LIMA1: variants seen among roughly 807,000 people sequenced by gnomAD.
LIMA1 encodes the protein LIM domain and actin-binding protein 1.
Under a neutral mutation model 62.6 loss-of-function variants are expected in LIMA1, and 52 were observed. The observed-to-expected ratio is 0.83, with a 90% CI of 0.67 to 1.05. The LOEUF is 1.05. Among genes scored for constraint, LIMA1 ranks in the 50% least tolerant of loss-of-function variants. The probability of loss-of-function intolerance (pLI) is 0.00; values close to 1 mark genes in which losing one functional copy is unlikely to be tolerated. For missense variants in LIMA1, 780 were observed against 902.2 expected (o/e 0.86, Z 1.74); for synonymous variants, 302 against 317.8 (o/e 0.95, Z 0.53).
chr12:50,190,348 A>G (rs1940729751), intron 9 of LIMA1: 1 of 150,856 alleles, frequency 6.6e-6, no homozygotes, highest in Non-Finnish European at 1.5e-5. Flanking sequence ...CCCTTAGTAT[A>G]AGTGTTGCTT....
chr12:50,217,217 T>C (rs1286542051), intron 4 of LIMA1, among the ~76,000 whole-genome samples: 1 of 151,814 alleles, frequency 6.6e-6, no homozygotes, highest in Non-Finnish European at 1.5e-5. Context: ...TCATATACAG[T>C]CAAGCAAGCA....
intron 8 of LIMA1, among the ~76,000 whole-genome samples, chr12:50,193,507 GTA>G (rs1253335896): frequency 8.4e-6 from 1 of 119,376 alleles, no homozygotes. Context: ...TCATATATGT[GTA>G]TATATGATAT....
chr12:50,268,028 G>A lies in LIMA1; in HGVS notation c.-24+15392C>T, dbSNP rs371207644. 3.3e-5 allele frequency among the ~76,000 whole-genome samples: 5 copies of A among 152,024 alleles called. No individual in the cohort carries two copies. The East Asian group carries it at 7.7e-4, about 23-fold the overall frequency. On this transcript the variant is annotated intron_variant, in intron 1 of 10. Coordinates refer to ENST00000341247, the MANE Select transcript of LIMA1 (RefSeq NM_016357.5). ...CTTACTTTTTTTTAAATTATACAAG[G>A]ACTTTCTGAATATCATGTGTAACTC... is the stretch of plus-strand genomic sequence containing the variant.
At chr12:50,201,123 T>C (rs1941040885) in intron 6 of LIMA1, 5 of 1,269,238 alleles carry the variant, frequency 3.9e-6, no homozygotes, top group Non-Finnish European at 5.0e-6. Context: ...GGATTGCTCA[T>C]TAGAATACAG....
At chr12:50,193,666 A>T (rs7133308) in intron 8 of LIMA1, among the ~76,000 whole-genome samples, 4,849 of 59,932 alleles carry the variant, frequency 0.081, 283 homozygotes, top group South Asian at 0.1. Context: ...ATATATATAT[A>T]TTTTTTTTTT....
At chr12:50,192,993 TGTGTGTGTGTGC>T (rs1940812436) in intron 8 of LIMA1, among the ~76,000 whole-genome samples, 1 of 105,072 alleles carries the variant, frequency 9.5e-6, no homozygotes, top group Admixed American at 1.1e-4. Flanking sequence ...TGTGTGTGTG[TGTGTGTGTGTGC>T]GCGCGTGCGC....
Position 50,177,534 on chromosome 12 carries a change from T to C in LIMA1, c.1810A>G (p.Ser604Gly). 6.2e-7 allele frequency: 1 copy of C among 1,611,414 alleles called. No individual in the cohort carries two copies. Among genetic ancestry groups the C allele is most frequent in the Non-Finnish European group, 8.5e-7 (1 of 1,179,004 alleles). The change falls in exon 11 of 11, where the codon AGC becomes GGC. Residue 604 changes from serine (S) to glycine (G), a missense_variant. Physicochemically the swap from Ser to Gly is moderately conservative, Grantham distance 56 (BLOSUM62 0). Transcript: ENST00000341247. ...AASFQSTSVK[S>G]PKTVSPPIRK... is the part of the protein sequence containing the mutation. The stretch of plus-strand genomic sequence containing the variant: ...ATAGGTGGGGACACAGTTTTTGGGC[T>C]CTTGACAGAGGTGCTTTGAAATGAA...
intron 3 of LIMA1, among the ~76,000 whole-genome samples, chr12:50,227,237 CTTTTTTT>C (rs199650468): frequency 2.1e-4 from 26 of 124,002 alleles, no homozygotes; most frequent in Admixed American, 4.3e-4. Flanking sequence ...TTTTTCTTTT[CTTTTTTT>C]TTTTTTTTTT....
intron 2 of LIMA1, among the ~76,000 whole-genome samples, chr12:50,245,090 T>C (rs1156808136): frequency 1.3e-5 from 2 of 152,106 alleles, no homozygotes; most frequent in African/African-American, 2.4e-5. Flanking sequence ...GGAGACAACA[T>C]GCAGGTTGCA....
intron 9 of LIMA1, chr12:50,187,345 C>T (rs959953865): frequency 6.6e-5 from 10 of 152,136 alleles, no homozygotes; most frequent in African/African-American, 2.4e-4. Flanking sequence ...TGACGTCAAG[C>T]CTCTATTCCT....
In LIMA1 at chr12:50,177,283, A is replaced by C. The variant is rs777882962; in HGVS notation, c.2061T>G (p.Asp687Glu). The C allele has an allele frequency of 6.2e-7, 1 of 1,614,036 alleles. No homozygotes were observed. Among genetic ancestry groups the C allele is most frequent in the Non-Finnish European group, 8.5e-7 (1 of 1,180,028 alleles). The stretch of plus-strand genomic sequence containing the variant: ...GTTTGAGGAAGCTGTTATCATCTTC[A>C]TCGGAGTCTGCACCATTTTCTACAA... ...ENLVENGADS[D>E]EDDNSFLKQQ... Residue 687 changes from aspartate (D) to glutamate (E), a missense_variant, in exon 11 of 11, where the codon GAT (aspartate) becomes GAG (glutamate). Transcript: ENST00000341247.
intron 4 of LIMA1, among the ~76,000 whole-genome samples, chr12:50,209,806 C>G (rs1941221603): frequency 6.6e-6 from 1 of 151,958 alleles, no homozygotes; most frequent in African/African-American, 2.4e-5. Flanking sequence ...GCTGGGATTA[C>G]AGGCGTCTGC....
At chr12:50,240,644 G>A (rs1416479493) in intron 2 of LIMA1, among the ~76,000 whole-genome samples, 4 of 152,114 alleles carry the variant, frequency 2.6e-5, no homozygotes, top group South Asian at 2.1e-4. Flanking sequence ...ATTTGGAAAC[G>A]GGGAAGATCA....
intron 1 of LIMA1, among the ~76,000 whole-genome samples, chr12:50,266,080 A>G (rs753760797): frequency 6.6e-6 from 1 of 152,192 alleles, no homozygotes; most frequent in Non-Finnish European, 1.5e-5. Context: ...ACAATGTAAG[A>G]AGTAGAAGTC....
chr12:50,230,628 G>T (rs528836169), intron 3 of LIMA1, among the ~76,000 whole-genome samples: 1 of 152,124 alleles, frequency 6.6e-6, no homozygotes, highest in Admixed American at 6.5e-5. Context: ...TCAAGCTGGA[G>T]TGCAGTTGCG....
intron 2 of LIMA1, among the ~76,000 whole-genome samples, chr12:50,243,685 C>T (rs1193871963): frequency 6.6e-6 from 1 of 152,178 alleles, no homozygotes; most frequent in Non-Finnish European, 1.5e-5. Flanking sequence ...GCTCCCCTTC[C>T]TCTGGAATGT....
intron 8 of LIMA1, 88 bp downstream of exon 8, chr12:50,195,742 C>T: frequency 7.8e-7 from 1 of 1,287,562 alleles, no homozygotes; most frequent in Non-Finnish European, 1.1e-6. Context: ...GTTATTTTCT[C>T]AGCACTGACA....
chr12:50,200,473 T>C (rs1263929833), intron 7 of LIMA1, among the ~76,000 whole-genome samples: 1 of 152,244 alleles, frequency 6.6e-6, no homozygotes, highest in Non-Finnish European at 1.5e-5. Context: ...AGTGCTGGGA[T>C]TACAGGCGTG....
chr12:50,278,506 T>G (rs984207232), intron 1 of LIMA1, among the ~76,000 whole-genome samples: 5 of 152,168 alleles, frequency 3.3e-5, no homozygotes, highest in African/African-American at 1.2e-4. Flanking sequence ...AGAATGTTAA[T>G]TAGTCTAATC....
Sources: gnomAD v4.1 joint callset for allele counts (sites outside exome capture counted in the v4.1 genomes callset) on GRCh38, gnomAD v4.1.1 for gene constraint, MANE v1.5 for transcripts, NCBI Gene and HGNC (gene_info 2026-07-23, HGNC 2026-07-21) for gene names.